The following CTBP2 variants were observed in gnomAD, a reference collection of about 807,000 sequenced individuals.
CTBP2 encodes the protein C-terminal binding protein 2, also known as C-terminal-binding protein 2.
A neutral mutation model predicts 80.3 loss-of-function variants in CTBP2; 30 were observed. The observed-to-expected ratio is 0.37, with a 90% CI of 0.28 to 0.51. The LOEUF is 0.51. CTBP2 is among the 20% of genes least tolerant of loss of function. The pLI, the probability that CTBP2 is intolerant of heterozygous loss-of-function variation, is 0.93. For missense variants in CTBP2, 1,212 were observed against 1,375.3 expected (o/e 0.88, Z 1.88); for synonymous variants, 594 against 587.4 (o/e 1.01, Z -0.16).
At position 125,063,658 on chromosome 10, in the gene CTBP2, C is replaced by T. The variant is rs756583287; in HGVS notation, c.-101-24503G>A. Among the ~76,000 whole-genome samples, 58 of 152,302 alleles carry T rather than the reference C, an allele frequency of 3.8e-4. No individual in the cohort carries two copies. The Middle Eastern group carries it at 0.01, about 27-fold the overall frequency. ...GTACGATTTATCAGCTCATGGATGGCGCAAACTCAATGGTGGTTTAACTAC... is the reference window on the plus strand; with the variant it reads ...GTACGATTTATCAGCTCATGGATGGTGCAAACTCAATGGTGGTTTAACTAC... On this transcript the variant is annotated intron_variant, in intron 2 of 10. Coordinates refer to the CTBP2 transcript ENST00000337195.
chr10:125,057,719 A>T (rs1041447106), intron 2 of CTBP2, among the ~76,000 whole-genome samples: 1 of 152,234 alleles, frequency 6.6e-6, no homozygotes, highest in Non-Finnish European at 1.5e-5. Context: ...AGCGTGGCTT[A>T]AAATAGGGCC....
upstream of CTBP2, among the ~76,000 whole-genome samples, chr10:125,029,620 A>G (rs541299615): frequency 1.3e-5 from 2 of 152,200 alleles, no homozygotes; most frequent in African/African-American, 4.8e-5. Flanking sequence ...AATGAACAAC[A>G]TGACCTTATG....
At chr10:125,103,079 C>G (rs554679069) in intron 2 of CTBP2, among the ~76,000 whole-genome samples, 30 of 152,214 alleles carry the variant, frequency 2.0e-4, no homozygotes, top group Non-Finnish European at 4.1e-4. Context: ...CGGTGGAAAG[C>G]TCAAGAACAC....
Position 124,989,588 on chromosome 10 carries a change from G to A in CTBP2, c.2888C>T (p.Pro963Leu). ...CTGGTTGGGAGAGGGCGCTTGGGAA[G>A]GATGTGCCACTGTCGGGAGGTTGTG... Residue 963 changes from proline to leucine, a missense_variant, in exon 9 of 9, where the codon CCT becomes CTT. Transcript: ENST00000309035. 1.2e-6 allele frequency: 2 copies of A among 1,613,606 alleles called. No individual in the cohort carries two copies. Among genetic ancestry groups the A allele is most frequent in the Non-Finnish European group, 1.7e-6 (2 of 1,179,800 alleles).
Position 124,993,898 on chromosome 10 carries a change from T to G in CTBP2, c.2488A>C (p.Ile830Leu). The G allele has an allele frequency of 6.2e-7, 1 of 1,614,094 alleles. No individual in the cohort carries two copies. Among genetic ancestry groups the G allele is most frequent in the Non-Finnish European group, 8.5e-7 (1 of 1,180,024 alleles). The change falls in exon 6 of 9, where the codon ATA becomes CTA. Residue 830 changes from isoleucine to leucine, a missense_variant. Physicochemically the swap from Ile to Leu is conservative, Grantham distance 5. Coordinates refer to ENST00000309035, the MANE Select transcript of CTBP2 (RefSeq NM_022802.3). ...TGCACGTCGAGGGCTGCCCCTCGTATCCTGCCCTCCTTGAGGGCTTGTGCT... is the reference window on the plus strand; with the variant it reads ...TGCACGTCGAGGGCTGCCCCTCGTAGCCTGCCCTCCTTGAGGGCTTGTGCT...
Position 125,026,935 on chromosome 10 carries a change from A to T in CTBP2, c.825T>A (p.Ala275=). The T allele has an allele frequency of 1.2e-6, 2 of 1,614,068 alleles. No homozygotes were observed. The highest frequency in any genetic ancestry group is 1.7e-6 in the Non-Finnish European group (2 of 1,180,006). The change falls in exon 1 of 9, where the codon GCT becomes GCA. Residue 275 remains alanine (A), a synonymous_variant. Transcript: ENST00000309035. The stretch of plus-strand genomic sequence containing the variant: ...CAGGACCCTGGAAGGTGGACAGGTC[A>T]GCTTCGTAAGTCTCGTAAGCCATCT...
intron 1 of CTBP2, among the ~76,000 whole-genome samples, chr10:125,131,025 G>A (rs888141399): frequency 1.8e-4 from 27 of 152,196 alleles, no homozygotes; most frequent in African/African-American, 5.8e-4. Flanking sequence ...TTCTTGGGGA[G>A]GCAGACAGGC....
In CTBP2 at chr10:125,040,599, TACACAC is replaced by T. The variant is rs59512017; in HGVS notation, c.-101-1450_-101-1445del. On this transcript the variant is annotated intron_variant, in intron 2 of 10. Transcript: ENST00000337195. The stretch of plus-strand genomic sequence containing the variant: ...TTTTAAGACCACCACCACAACCACA[TACACAC>T]ACACACACACACACACACACAGAAA... Among the ~76,000 whole-genome samples the T allele has an allele frequency of 1.2e-4, 18 of 146,078 alleles. No individual in the cohort carries two copies. In the East Asian group the frequency reaches 1.6e-3, roughly 13 times the overall value.
intron 1 of CTBP2, among the ~76,000 whole-genome samples, chr10:125,117,192 G>A (rs1853477039): frequency 1.3e-5 from 2 of 152,222 alleles, no homozygotes; most frequent in South Asian, 4.1e-4. Flanking sequence ...CAGTGAGGAC[G>A]CGCAGTACAA....
chr10:125,005,460 A>G lies in CTBP2; in HGVS notation c.1679-1968T>C. The G allele has an allele frequency of 7.4e-6, 10 of 1,355,424 alleles. No individual in the cohort carries two copies. In the South Asian group the frequency reaches 1.4e-4, roughly 19 times the overall value. 84.0% of individuals were successfully genotyped at this position (1,355,424 alleles called of 1,614,324 possible). A position where few individuals can be genotyped will look rare whatever the true frequency, so the allele number is the denominator to read the frequency against. ...AAACAGGGTGTCCGCATGGATCCGC[A>G]CTCCAACATCCTTCTGCACCAGGAA... On this transcript the variant is annotated intron_variant, in intron 1 of 8. Transcript: ENST00000309035.
chr10:124,999,064 G>C (rs1160036635), intron 3 of CTBP2: 2 of 152,312 alleles, frequency 1.3e-5, no homozygotes, highest in Non-Finnish European at 2.9e-5. Flanking sequence ...GCCAGGCTGG[G>C]AACGGCCCCT....
In CTBP2 at chr10:125,159,187, G is replaced by A. The variant is rs1861485917; in HGVS notation, c.-206+1132C>T. ...GAGGGCTGGGAGGAGGAGGAACCGCGGCGGCCCGGCTGTCCCTGCGCCGCA... is the reference window on the plus strand; with the variant it reads ...GAGGGCTGGGAGGAGGAGGAACCGCAGCGGCCCGGCTGTCCCTGCGCCGCA... On this transcript the variant is annotated intron_variant, in intron 1 of 10. Coordinates refer to the CTBP2 transcript ENST00000337195. Among the ~76,000 whole-genome samples, 3 of 150,652 alleles carry A rather than the reference G, an allele frequency of 2.0e-5. No homozygotes were observed. The South Asian group carries it at 6.2e-4, about 31-fold the overall frequency.
chr10:125,116,783 T>C (rs1853388394), intron 1 of CTBP2, among the ~76,000 whole-genome samples: 2 of 152,178 alleles, frequency 1.3e-5, no homozygotes, highest in African/African-American at 2.4e-5. Context: ...GCCAGGGGCT[T>C]TCCCCACACA....
chr10:125,026,994 C>T lies in CTBP2; in HGVS notation c.766G>A (p.Gly256Ser), dbSNP rs377439305. The change falls in exon 1 of 9, where the codon GGC becomes AGC. Residue 256 changes from glycine (G) to serine (S), a missense_variant. This residue lies in a region of CTBP2 where 848 missense variants were observed against 782.3 expected (regional missense o/e 1.08). Coordinates refer to ENST00000309035, the MANE Select transcript of CTBP2 (RefSeq NM_022802.3). ...ATGCTTTCCCGGGCAGGCCCGTAGCCACGATTCAGGGCCCCTGGGGCCACC... is the reference window on the plus strand; with the variant it reads ...ATGCTTTCCCGGGCAGGCCCGTAGCTACGATTCAGGGCCCCTGGGGCCACC... 7 of 1,613,874 alleles carry T rather than the reference C, an allele frequency of 4.3e-6. No homozygotes were observed. The highest frequency in any genetic ancestry group is 1.7e-5 in the Admixed American group (1 of 60,008).
At chr10:125,143,910 C>T (rs1013849863) in intron 1 of CTBP2, among the ~76,000 whole-genome samples, 1 of 152,194 alleles carries the variant, frequency 6.6e-6, no homozygotes, top group African/African-American at 2.4e-5. Context: ...TGCACAGAGG[C>T]CTCAGTGCAG....
intron 2 of CTBP2, among the ~76,000 whole-genome samples, chr10:125,079,188 C>T (rs1238109241): frequency 1.3e-5 from 2 of 151,738 alleles, no homozygotes; most frequent in Admixed American, 1.3e-4. Flanking sequence ...AAAAACCAGC[C>T]CCTGATGGGC....
intron 1 of CTBP2, among the ~76,000 whole-genome samples, chr10:125,115,530 G>T (rs1853103579): frequency 6.6e-6 from 1 of 152,188 alleles, no homozygotes; most frequent in Non-Finnish European, 1.5e-5. Flanking sequence ...ACCTTCACAG[G>T]TGGTCAGGCC....
At chr10:125,105,964 G>A (rs1036091075) in intron 2 of CTBP2, among the ~76,000 whole-genome samples, 5 of 152,074 alleles carry the variant, frequency 3.3e-5, no homozygotes, top group Non-Finnish European at 5.9e-5. Flanking sequence ...TGGCCCTGCC[G>A]CTCACTCCAT....
chr10:125,132,019 G>A lies in CTBP2; in HGVS notation c.-205-20926C>T, dbSNP rs79509122. Among the ~76,000 whole-genome samples the A allele has an allele frequency of 2.2e-3, 338 of 152,178 alleles. 2 individuals are homozygous for A. The highest frequency in any genetic ancestry group is 3.3e-3 in the Non-Finnish European group (225 of 68,008). ...CTCAGTCTTAGGTCAGGCTTATTTC[G>A]GAAGCATTATAGCACTCTGGGTCTC... On this transcript the variant is annotated intron_variant, in intron 1 of 10. Transcript: ENST00000337195.
Sources: gnomAD v4.1 joint callset for allele counts (sites outside exome capture counted in the v4.1 genomes callset) on GRCh38, gnomAD v4.1.1 for gene constraint, gnomAD v4.1.1 regional missense constraint, MANE v1.5 for transcripts, NCBI Gene and HGNC (gene_info 2026-07-23, HGNC 2026-07-21) for gene names.